Variants in PCDHGA1 observed in about 807,000 individuals in gnomAD.
The protein encoded by PCDHGA1 is protocadherin gamma subfamily A, 1.
Under a neutral mutation model 58.0 loss-of-function variants are expected in PCDHGA1, and 32 were observed. The ratio of observed to expected loss-of-function variants is 0.55; its 90% CI spans 0.42 to 0.74. The LOEUF (loss-of-function observed/expected upper bound fraction) is 0.74. PCDHGA1 is among the 30% of genes least tolerant of loss of function. PCDHGA1 has a pLI of 0.00. For synonymous variants in PCDHGA1, 498 were observed against 501.1 expected (o/e 0.99, Z 0.08); for missense variants, 1,205 against 1,182.3 (o/e 1.02, Z -0.28).
At chr5:141,383,473 C>A (rs764928203) in intron 1 of PCDHGA1, 1 of 1,613,568 alleles carries the variant, frequency 6.2e-7, no homozygotes, top group African/African-American at 1.3e-5. Flanking sequence ...AACTAAGTAC[C>A]CGGAACTGGT....
intron 1 of PCDHGA1, chr5:141,403,717 G>T: frequency 6.2e-7 from 1 of 1,613,936 alleles, no homozygotes; most frequent in Non-Finnish European, 8.5e-7. Flanking sequence ...TTGAGAACGT[G>T]CCCCCAGGCA....
At chr5:141,426,010 C>T (rs2096909211) in intron 1 of PCDHGA1, among the ~76,000 whole-genome samples, 1 of 152,178 alleles carries the variant, frequency 6.6e-6, no homozygotes, top group Non-Finnish European at 1.5e-5. Flanking sequence ...CTTCCGGCTG[C>T]AGTTTTCTAA....
Position 141,432,057 on chromosome 5 carries a change from C to G in PCDHGA1, c.2422-62750C>G. On this transcript the variant is annotated intron_variant, in intron 1 of 3. Coordinates refer to ENST00000517417, the MANE Select transcript of PCDHGA1 (RefSeq NM_018912.3). This position sits in a 1 kb window ranked among gnomAD's most constrained non-coding sequence, Gnocchi z 6.0. The stretch of plus-strand genomic sequence containing the variant: ...ACTGACCGGGGAACCCCGCCCCTAT[C>G]CACGGAAACTCATATCTCGCTGAAC... 1 of 1,614,220 alleles carries G rather than the reference C, an allele frequency of 6.2e-7. No homozygotes were observed. The highest frequency in any genetic ancestry group is 8.5e-7 in the Non-Finnish European group (1 of 1,180,042).
At chr5:141,397,183 T>C (rs1319444729) in intron 1 of PCDHGA1, among the ~76,000 whole-genome samples, 2 of 152,190 alleles carry the variant, frequency 1.3e-5, no homozygotes, top group East Asian at 3.8e-4. Flanking sequence ...AATGAATTTA[T>C]GTACTGTAAA....
Position 141,410,515 on chromosome 5 carries a change from G to A in PCDHGA1, c.2421+77410G>A, listed in dbSNP as rs373451539. The A allele has an allele frequency of 1.9e-6, 3 of 1,613,828 alleles. No homozygotes were observed. The African/African-American group carries it at 4.0e-5, about 22-fold the overall frequency. On this transcript the variant is annotated intron_variant, in intron 1 of 3. Coordinates refer to ENST00000517417, the MANE Select transcript of PCDHGA1 (RefSeq NM_018912.3). ...AGTTTAATTTCCTAAAATGCAGTGT[G>A]CCCCTACATTCCAATGAAGACATGG...
chr5:141,349,875 G>T (rs919038227), intron 1 of PCDHGA1, among the ~76,000 whole-genome samples: 2 of 152,078 alleles, frequency 1.3e-5, no homozygotes, highest in Non-Finnish European at 2.9e-5. Context: ...AATGATGAAG[G>T]CCCTTATCTG....
intron 1 of PCDHGA1, among the ~76,000 whole-genome samples, chr5:141,484,685 T>G (rs2099599013): frequency 6.6e-6 from 1 of 151,934 alleles, no homozygotes; most frequent in Non-Finnish European, 1.5e-5. Flanking sequence ...TTGCTAGGGC[T>G]CAGGCTGTGG....
rs778323048 is a variant in PCDHGA1, at chr5:141,357,701, A to G, written c.2421+24596A>G. ...GTAAATGTCTCTCATTTTATATGTA[A>G]TATATCAAATAAAGTTGCCTCTTTT... On this transcript the variant is annotated intron_variant, in intron 1 of 3. Transcript: ENST00000517417. 15 of 1,500,732 alleles carry G rather than the reference A, an allele frequency of 1.0e-5. No homozygotes were observed. The East Asian group carries it at 3.3e-4, about 33-fold the overall frequency. The allele number at this position is 1,500,732 out of a possible 1,614,324, so 93.0% of individuals were successfully genotyped here. A position where few individuals can be genotyped will look rare whatever the true frequency, so the allele number is the denominator to read the frequency against.
chr5:141,376,676 G>GTCTTTTTTT (rs1773033495), intron 1 of PCDHGA1: 1 of 275,812 alleles, frequency 3.6e-6, no homozygotes, highest in Admixed American at 6.8e-5. Context: ...TGAGGGTATC[G>GTCTTTTTTT]TTTTTTTTTT....
intron 1 of PCDHGA1, chr5:141,383,744 G>A: frequency 1.2e-6 from 2 of 1,613,886 alleles, no homozygotes; most frequent in South Asian, 1.1e-5. Flanking sequence ...TATTCTTTTC[G>A]GAAAATAACT....
chr5:141,398,345 C>T (rs1442407908), intron 1 of PCDHGA1: 29 of 1,379,896 alleles, frequency 2.1e-5, no homozygotes, highest in Non-Finnish European at 2.8e-5. Context: ...TCGGAGAAGC[C>T]TTACTTCACC....
chr5:141,390,867 C>CGTGT (rs61319619), intron 1 of PCDHGA1: 7,865 of 151,126 alleles, frequency 0.052, 273 homozygotes, highest in African/African-American at 0.097. Context: ...GCTGTGTGTG[C>CGTGT]GTGTGTGTGT....
chr5:141,481,261 C>T lies in PCDHGA1; in HGVS notation c.2422-13546C>T, dbSNP rs2099534823. ...TACATAGCATAGCTCTAAAAGATCA[C>T]TGTAGGAAGACATAAAATGGTATTT... On this transcript the variant is annotated intron_variant, in intron 1 of 3. Coordinates refer to ENST00000517417, the MANE Select transcript of PCDHGA1 (RefSeq NM_018912.3). Among the ~76,000 whole-genome samples, 3 of 152,252 alleles carry T rather than the reference C, an allele frequency of 2.0e-5. No individual in the cohort carries two copies. The East Asian group carries it at 5.8e-4, about 29-fold the overall frequency.
At chr5:141,479,590 A>T (rs2099500448) in intron 1 of PCDHGA1, 1 of 152,182 alleles carries the variant, frequency 6.6e-6, no homozygotes, top group Non-Finnish European at 1.5e-5. Context: ...TAGCCACTGC[A>T]CTCCAGCCTA....
rs182905441 is a variant in PCDHGA1, at chr5:141,450,871, C to A, written c.2422-43936C>A. Among the ~76,000 whole-genome samples, 581 of 149,672 alleles carry A rather than the reference C, an allele frequency of 3.9e-3. 6 individuals carry two copies. Among genetic ancestry groups the A allele is most frequent in the Admixed American group, 0.011 (168 of 14,998 alleles). ...ATGGGGTCTTGCTCTGTCACCCAGGCTGGTGTGCAGTGGTGCGATATCGGC... is the reference window on the plus strand; with the variant it reads ...ATGGGGTCTTGCTCTGTCACCCAGGATGGTGTGCAGTGGTGCGATATCGGC... On this transcript the variant is annotated intron_variant, in intron 1 of 3. Coordinates refer to ENST00000517417, the MANE Select transcript of PCDHGA1 (RefSeq NM_018912.3).
At chr5:141,399,971 T>C in intron 1 of PCDHGA1, 1 of 1,612,208 alleles carries the variant, frequency 6.2e-7, no homozygotes, top group Non-Finnish European at 8.5e-7. Flanking sequence ...CTCTTCAGCC[T>C]GGGGCTGCGC....
chr5:141,340,389 C>G lies in PCDHGA1; in HGVS notation c.2421+7284C>G, dbSNP rs369089381. Reference sequence around the variant, plus strand: ...AACCCCAGAGGAGCCTCTGTCTTCTCAGTGACGGCCCATGACCCCGACAGC... The same window carrying G: ...AACCCCAGAGGAGCCTCTGTCTTCTGAGTGACGGCCCATGACCCCGACAGC... On this transcript the variant is annotated intron_variant, in intron 1 of 3. Transcript: ENST00000517417. The G allele has an allele frequency of 3.7e-6, 6 of 1,614,082 alleles. No individual in the cohort carries two copies. In the African/African-American group the frequency reaches 8.0e-5, roughly 22 times the overall value.
chr5:141,331,921 G>C lies in PCDHGA1; in HGVS notation c.1237G>C (p.Glu413Gln). The C allele has an allele frequency of 1.9e-6, 3 of 1,614,178 alleles. No homozygotes were observed. The highest frequency in any genetic ancestry group is 2.5e-6 in the Non-Finnish European group (3 of 1,180,046). The change falls in exon 1 of 4, where the codon GAA becomes CAA. Residue 413 changes from glutamate to glutamine, a missense_variant. Transcript: ENST00000517417. The stretch of plus-strand genomic sequence containing the variant: ...AGTGACTGAAAGAACACTGGACAGA[G>C]AACTTATCTCTGGGTACAACATCAC... ...RLVTERTLDR[E>Q]LISGYNITIT...
intron 1 of PCDHGA1, chr5:141,430,691 G>A (rs1479214920): frequency 7.1e-7 from 1 of 1,416,592 alleles, no homozygotes; most frequent in Non-Finnish European, 9.4e-7. Context: ...CCATTCTATG[G>A]GCGAAGGAAC....
Sources: gnomAD v4.1 joint callset for allele counts (sites outside exome capture counted in the v4.1 genomes callset) on GRCh38, gnomAD v4.1.1 for gene constraint, Gnocchi (gnomAD v3.1) non-coding constraint, MANE v1.5 for transcripts, NCBI Gene and HGNC (gene_info 2026-07-23, HGNC 2026-07-21) for gene names.